NR1I2: variants seen among roughly 807,000 people sequenced by gnomAD.
NR1I2 encodes the protein nuclear receptor subfamily 1 group I member 2.
NR1I2 carries 42 observed loss-of-function variants against 43.3 expected under a neutral mutation model. The observed-to-expected ratio is 0.97, with a 90% CI of 0.76 to 1.26. The LOEUF (loss-of-function observed/expected upper bound fraction) is 1.26. NR1I2 is among the 50% of genes most tolerant of loss of function. The pLI is 0.00. For missense variants in NR1I2, 559 were observed against 566.7 expected, an observed-to-expected ratio of 0.99 and a Z score of 0.14; for synonymous variants, 229 against 215.0, an observed-to-expected ratio of 1.06 and a Z score of -0.57.
Position 119,817,768 on chromosome 3 carries a change from G to T in NR1I2, c.*556G>T. The T allele has an allele frequency of 1.0e-6, 1 of 1,003,350 alleles. No individual in the cohort carries two copies. The highest frequency in any genetic ancestry group is 5.2e-5 in the Admixed American group (1 of 19,272). 62.2% of individuals were successfully genotyped at this position (1,003,350 alleles called of 1,614,324 possible). On this transcript the variant is annotated 3_prime_UTR_variant, in exon 9 of 9. Coordinates refer to ENST00000393716, the MANE Select transcript of NR1I2 (RefSeq NM_003889.4). The stretch of plus-strand genomic sequence containing the variant: ...ATCTGTGGGAGTCCTCTAGAGAGAT[G>T]AGAAGCCAGGAGGCCTGCACCAAAT...
chr3:119,790,392 A>G (rs1421254044), intron 1 of NR1I2, among the ~76,000 whole-genome samples: 1 of 151,958 alleles, frequency 6.6e-6, no homozygotes, highest in East Asian at 1.9e-4. Flanking sequence ...TCTCTTCAAG[A>G]CCCCGATTTC....
At chr3:119,808,539 G>A (rs1334786009) in intron 2 of NR1I2, among the ~76,000 whole-genome samples, 1 of 152,256 alleles carries the variant, frequency 6.6e-6, no homozygotes. Flanking sequence ...TGGCACAGAA[G>A]AGGCTGCCCA....
intron 7 of NR1I2, 72 bp from the exon 8 acceptor site, chr3:119,815,654 A>G (rs965210740): frequency 2.2e-6 from 3 of 1,363,326 alleles, no homozygotes; most frequent in East Asian, 2.4e-5. Flanking sequence ...TTGGCGAGCA[A>G]TGCCCTGACT....
intron 2 of NR1I2, among the ~76,000 whole-genome samples, chr3:119,807,717 A>G (rs2055181435): frequency 6.6e-6 from 1 of 152,252 alleles, no homozygotes. Context: ...GACTCAGTGA[A>G]AGATAAGGAA....
intron 1 of NR1I2, among the ~76,000 whole-genome samples, chr3:119,805,976 C>G (rs2055154124): frequency 6.6e-6 from 1 of 152,152 alleles, no homozygotes; most frequent in South Asian, 2.1e-4. Context: ...GGGCCAGGGT[C>G]AGAGACAGAT....
Position 119,811,691 on chromosome 3 carries a change from T to A in NR1I2, c.484T>A (p.Phe162Ile). The A allele has an allele frequency of 1.9e-6, 3 of 1,613,174 alleles. No homozygotes were observed. The highest frequency in any genetic ancestry group is 2.5e-6 in the Non-Finnish European group (3 of 1,179,576). ...GCTGATGGACGCTCAGATGAAAACC[T>A]TTGACACTACCTTCTCCCATTTCAA... is the stretch of plus-strand genomic sequence containing the variant. The change falls in exon 4 of 9, where the codon TTT becomes ATT. Residue 162 changes from phenylalanine to isoleucine, a missense_variant. Phe to Ile is a conservative substitution (Grantham distance 21). Coordinates refer to ENST00000393716, the MANE Select transcript of NR1I2 (RefSeq NM_003889.4).
Position 119,815,078 on chromosome 3 carries a change from C to T in NR1I2, c.894C>T (p.Thr298=). ...CAGTGTTCAACGCGGAGACTGGAAC[C>T]TGGGAGTGTGGCCGGCTGTCCTACT... The change falls in exon 6 of 9, where the codon ACC becomes ACT. Residue 298 remains threonine, a synonymous_variant. Transcript: ENST00000393716. 6.2e-7 allele frequency: 1 copy of T among 1,614,160 alleles called. No individual in the cohort carries two copies. Among genetic ancestry groups the T allele is most frequent in the South Asian group, 1.1e-5 (1 of 91,080 alleles).
chr3:119,807,909 G>A (rs561189279), intron 2 of NR1I2, among the ~76,000 whole-genome samples: 2 of 152,288 alleles, frequency 1.3e-5, no homozygotes, highest in Admixed American at 6.5e-5. Flanking sequence ...GAGGGCACAG[G>A]GTATGCAAGG....
rs776391299 is a variant in NR1I2 at position 119,815,732 on chromosome 3, C to T, written c.1061C>T (p.Pro354Leu). Residue 354 changes from proline (P) to leucine (L), a missense_variant, in exon 8 of 9, where the codon CCA becomes CTA. By Grantham distance (98) the Pro-to-Leu change is moderately conservative (BLOSUM62 -3). Transcript: ENST00000393716. ...ACACCTCCCTCCCCTCCAGACCGCCCAGGTGTGCTGCAGCACCGCGTGGTG... is the reference window on the plus strand; with the variant it reads ...ACACCTCCCTCCCCTCCAGACCGCCTAGGTGTGCTGCAGCACCGCGTGGTG... The T allele has an allele frequency of 1.7e-5, 27 of 1,612,814 alleles. No homozygotes were observed. Among genetic ancestry groups the T allele is most frequent in the South Asian group, 7.7e-5 (7 of 90,716 alleles).
intron 1 of NR1I2, among the ~76,000 whole-genome samples, chr3:119,787,030 G>A (rs2054851474): frequency 6.6e-6 from 1 of 152,122 alleles, no homozygotes; most frequent in South Asian, 2.1e-4. Flanking sequence ...GATCATGCCT[G>A]TAATCCCAGC....
At chr3:119,802,381 T>C (rs1879997) in intron 1 of NR1I2, among the ~76,000 whole-genome samples, 148,176 of 152,350 alleles carry the variant, frequency 0.97, 72,193 homozygotes, top group East Asian at 1. Context: ...CCTTTGGTGA[T>C]ATTTCTTTTA....
chr3:119,797,952 A>G lies in NR1I2; in HGVS notation c.-22-9277A>G, dbSNP rs151082006. ...TACAATTTCAACTGAAAAGTCAACC[A>G]TTAATCTTAATTTTATTTCTTTGTG... On this transcript the variant is annotated intron_variant, in intron 1 of 8. Coordinates refer to ENST00000393716, the MANE Select transcript of NR1I2 (RefSeq NM_003889.4). Among the ~76,000 whole-genome samples the G allele has an allele frequency of 2.2e-3, 338 of 152,276 alleles. 1 individual carries two copies. The highest frequency in any genetic ancestry group is 7.7e-3 in the African/African-American group (318 of 41,552).
chr3:119,782,423 A>C, intron 1 of NR1I2, 123 bp downstream of exon 1: 1 of 306,032 alleles, frequency 3.3e-6, no homozygotes, highest in South Asian at 4.0e-5. Context: ...GTCGTGAATC[A>C]TGTTGGCCTT....
chr3:119,784,897 A>C (rs1009024578), intron 1 of NR1I2, among the ~76,000 whole-genome samples: 6 of 152,176 alleles, frequency 3.9e-5, no homozygotes, highest in Admixed American at 2.0e-4. Context: ...CCCAATAAAT[A>C]GAAAATCTAT....
At chr3:119,807,548 CTGGTG>C in intron 2 of NR1I2, 101 bp downstream of exon 2, 1 of 1,025,152 alleles carries the variant, frequency 9.8e-7, no homozygotes, top group Non-Finnish European at 1.5e-6. Context: ...AGAGTGTGGG[CTGGTG>C]GCCCACCCAA....
At chr3:119,794,729 G>A (rs1290231070) in intron 1 of NR1I2, among the ~76,000 whole-genome samples, 1 of 152,110 alleles carries the variant, frequency 6.6e-6, no homozygotes, top group African/African-American at 2.4e-5. Context: ...CCTGAGGTCA[G>A]GAGTTCAAGA....
At position 119,817,932 on chromosome 3, in the gene NR1I2, CAG is replaced by C. The variant is rs2107981818; in HGVS notation, c.*723_*724del. 7.1e-6 allele frequency: 7 copies of C among 983,684 alleles called. No individual in the cohort carries two copies. Among genetic ancestry groups the C allele is most frequent in the Non-Finnish European group, 8.4e-6 (7 of 828,406 alleles). The allele number at this position is 983,684 out of a possible 1,614,324, so 60.9% of individuals were successfully genotyped here. A position where few individuals can be genotyped will look rare whatever the true frequency, so the allele number is the denominator to read the frequency against. On this transcript the variant is annotated 3_prime_UTR_variant, in exon 9 of 9. Coordinates refer to ENST00000393716, the MANE Select transcript of NR1I2 (RefSeq NM_003889.4). Reference sequence around the variant, plus strand: ...GACTCAGATATAGATCCTGAGCTCACAGAGTTTATAGTTAAAAAAACAAACAG... The same window carrying C: ...GACTCAGATATAGATCCTGAGCTCACAGTTTATAGTTAAAAAAACAAACAG...
At chr3:119,797,982 ATTTTT>A (rs955664997) in intron 1 of NR1I2, among the ~76,000 whole-genome samples, 1 of 150,264 alleles carries the variant, frequency 6.7e-6, no homozygotes, top group Non-Finnish European at 1.5e-5. Context: ...TTTGTGGTTA[ATTTTT>A]TTTTTCTGGG....
chr3:119,817,695 A>G lies in NR1I2; in HGVS notation c.*483A>G. The G allele has an allele frequency of 9.0e-7, 1 of 1,105,004 alleles. No homozygotes were observed. Among genetic ancestry groups the G allele is most frequent in the Non-Finnish European group, 1.1e-6 (1 of 898,830 alleles). The allele number at this position is 1,105,004 out of a possible 1,614,324, so 68.4% of individuals were successfully genotyped here. A position where few individuals can be genotyped will look rare whatever the true frequency, so the allele number is the denominator to read the frequency against. On this transcript the variant is annotated 3_prime_UTR_variant, in exon 9 of 9. Coordinates refer to ENST00000393716, the MANE Select transcript of NR1I2 (RefSeq NM_003889.4). ...TCCCACTCGTTCCCCTCCTCTTCCGAGCTGCTTTGTGGGCTCCAGGCCTGT... is the reference window on the plus strand; with the variant it reads ...TCCCACTCGTTCCCCTCCTCTTCCGGGCTGCTTTGTGGGCTCCAGGCCTGT...
Sources: gnomAD v4.1 joint callset for allele counts (sites outside exome capture counted in the v4.1 genomes callset) on GRCh38, gnomAD v4.1.1 for gene constraint, MANE v1.5 for transcripts, NCBI Gene and HGNC (gene_info 2026-07-23, HGNC 2026-07-21) for gene names.